Variants in FANCI observed in about 807,000 individuals in gnomAD.
FANCI encodes Fanconi anemia group I protein.
A neutral mutation model predicts 176.1 loss-of-function variants in FANCI; 156 were observed. That is an observed-to-expected ratio of 0.89 (90% CI 0.78 to 1.01). The LOEUF is 1.01. Ranked by LOEUF, FANCI falls within the 50% of genes least tolerant of loss-of-function variation. The pLI is 0.00. For synonymous variants in FANCI, 613 were observed against 541.7 expected, an observed-to-expected ratio of 1.13 and a Z score of -1.83; for missense variants, 1,678 against 1,534.1, an observed-to-expected ratio of 1.09 and a Z score of -1.57.
chr15:89,246,914 C>A (rs1225136694), intron 1 of FANCI, among the ~76,000 whole-genome samples: 2 of 151,472 alleles, frequency 1.3e-5, no homozygotes, highest in Non-Finnish European at 2.9e-5. Context: ...TATAGGCGCC[C>A]GCCACCACGC....
chr15:89,285,083 G>C lies in FANCI; in HGVS notation c.1699-13G>C, dbSNP rs1438426591. The C allele has an allele frequency of 6.2e-7, 1 of 1,613,766 alleles. No individual in the cohort carries two copies. The highest frequency in any genetic ancestry group is 2.2e-5 in the East Asian group (1 of 44,860). On this transcript the variant is annotated splice_polypyrimidine_tract_variant and intron_variant, in intron 17 of 37. Transcript: ENST00000310775. ...TGGTAAGATAGACGTGAATTGGCCT[G>C]TCTTCCTTTCAGGTTCATGTGGATG...
At chr15:89,289,230 C>T (rs1399714380) in intron 18 of FANCI, among the ~76,000 whole-genome samples, 2 of 152,106 alleles carry the variant, frequency 1.3e-5, no homozygotes, top group Non-Finnish European at 2.9e-5. Context: ...ATTACACATT[C>T]ATAAAATATT....
intron 18 of FANCI, among the ~76,000 whole-genome samples, chr15:89,289,471 A>ATT (rs1356258305): frequency 6.6e-6 from 1 of 151,756 alleles, no homozygotes; most frequent in Non-Finnish European, 1.5e-5. Flanking sequence ...TGCCTGGCTA[A>ATT]TTTTTATATT....
chr15:89,316,483 A>C lies in FANCI; in HGVS notation c.*24A>C, dbSNP rs189180872. 1.1e-5 allele frequency: 18 copies of C among 1,597,386 alleles called. No individual in the cohort carries two copies. The highest frequency in any genetic ancestry group is 1.5e-5 in the Non-Finnish European group (17 of 1,170,532). On this transcript the variant is annotated 3_prime_UTR_variant, in exon 38 of 38. Coordinates refer to ENST00000310775, the MANE Select transcript of FANCI (RefSeq NM_001113378.2). ...AAATGAAATGCCTGAGTTAATGTGA[A>C]CTTTGGGGCTTCTGCTTCATTTTTA... is the stretch of plus-strand genomic sequence containing the variant.
chr15:89,257,432 T>C (rs1460326608), intron 2 of FANCI, among the ~76,000 whole-genome samples: 1 of 152,092 alleles, frequency 6.6e-6, no homozygotes, highest in Admixed American at 6.5e-5. Context: ...GTTGTCAGGG[T>C]TGGTTCCTTT....
intron 19 of FANCI, 45 bp from the exon 20 acceptor site, chr15:89,291,568 A>G (rs907013480): frequency 1.3e-6 from 2 of 1,504,966 alleles, no homozygotes; most frequent in African/African-American, 2.7e-5. Flanking sequence ...AAAAAGTAAA[A>G]AGCATTTATG....
chr15:89,296,971 AC>A lies in FANCI; in HGVS notation c.2636+1885del, dbSNP rs575310390. ...GGGCGGCTGGCCGGGCGGGGGGCTG[AC>A]CCCCCCCACCTCCCTCCCGGACGGG... On this transcript the variant is annotated intron_variant, in intron 24 of 37. Transcript: ENST00000310775. 1.7e-4 allele frequency among the ~76,000 whole-genome samples: 16 copies of A among 96,870 alleles called. 1 individual carries two copies. The South Asian group carries it at 2.2e-3, about 13-fold the overall frequency. The allele number at this position is 96,870 out of a possible 152,430, so 63.6% of individuals were successfully genotyped here.
chr15:89,309,325 T>TA, intron 34 of FANCI, among the ~76,000 whole-genome samples: 1 of 152,022 alleles, frequency 6.6e-6, no homozygotes, highest in South Asian at 2.1e-4. Flanking sequence ...GTCTTAATGA[T>TA]ACCTATAAAG....
intron 34 of FANCI, among the ~76,000 whole-genome samples, chr15:89,312,472 TC>T (rs1259728625): frequency 1.6e-4 from 24 of 152,326 alleles, no homozygotes; most frequent in Middle Eastern, 3.4e-3. Context: ...GCACAGATAG[TC>T]CTGTTTACTC....
chr15:89,245,926 G>C (rs1161373076), intron 1 of FANCI: 3 of 152,404 alleles, frequency 2.0e-5, no homozygotes, highest in Non-Finnish European at 4.4e-5. Flanking sequence ...GAGAGATGGT[G>C]GTGGCTTGGG....
rs11858045 is a variant in FANCI at position 89,293,537 on chromosome 15, C to A, written c.2292-296C>A. The stretch of plus-strand genomic sequence containing the variant: ...CCCCATCTCTACTAATAATGTAAAA[C>A]TTAGCCAGGTGTTAGTGCCTGGGAC... On this transcript the variant is annotated intron_variant, in intron 22 of 37. Coordinates refer to ENST00000310775, the MANE Select transcript of FANCI (RefSeq NM_001113378.2). 0.075 allele frequency among the ~76,000 whole-genome samples: 11,363 copies of A among 152,102 alleles called. 1,237 individuals are homozygous for A. Among genetic ancestry groups the A allele is most frequent in the African/African-American group, 0.24 (9,994 of 41,464 alleles).
intron 13 of FANCI, among the ~76,000 whole-genome samples, chr15:89,277,274 G>T (rs1322221434): frequency 6.6e-6 from 1 of 151,868 alleles, no homozygotes; most frequent in Non-Finnish European, 1.5e-5. Context: ...AGAGCATCAA[G>T]CTTAAAGAAT....
chr15:89,278,411 G>T (rs1238955026), intron 13 of FANCI, among the ~76,000 whole-genome samples: 1 of 152,164 alleles, frequency 6.6e-6, no homozygotes, highest in Non-Finnish European at 1.5e-5. Flanking sequence ...AAGTAGAATT[G>T]ATCCTGTTTG....
chr15:89,306,597 C>T (rs1451895584), intron 32 of FANCI, among the ~76,000 whole-genome samples: 1 of 152,008 alleles, frequency 6.6e-6, no homozygotes, highest in African/African-American at 2.4e-5. Flanking sequence ...GAGGCTGAGG[C>T]AGGAGAATCG....
chr15:89,283,213 C>T lies in FANCI; in HGVS notation c.1661C>T (p.Ser554Leu). The T allele has an allele frequency of 6.2e-7, 1 of 1,614,140 alleles. No homozygotes were observed. The highest frequency in any genetic ancestry group is 8.5e-7 in the Non-Finnish European group (1 of 1,180,004). Reference protein sequence around the residue: ...LKNFKVLGSLSSSQCSQSLSV... With the variant: ...LKNFKVLGSLLSSQCSQSLSV... ...AACTTTAAAGTTTTAGGCAGCCTGT[C>T]ATCCTCTCAGTGCAGTCAGTCTCTC... The change falls in exon 17 of 38, where the codon TCA becomes TTA. Residue 554 changes from serine (S) to leucine (L), a missense_variant. Physicochemically the swap from Ser to Leu is moderately radical, Grantham distance 145 (BLOSUM62 -2). This residue lies in a region of FANCI where 1,204 missense variants were observed against 1,077.4 expected (regional missense o/e 1.12). Transcript: ENST00000310775.
In FANCI at chr15:89,295,366, G is replaced by GA. The variant is rs373941070; in HGVS notation, c.2636+290dup. Among the ~76,000 whole-genome samples the GA allele has an allele frequency of 2.3e-3, 222 of 96,284 alleles. 1 individual carries two copies. Among genetic ancestry groups the GA allele is most frequent in the East Asian group, 0.014 (44 of 3,232 alleles). 63.2% of individuals were successfully genotyped at this position (96,284 alleles called of 152,430 possible). On this transcript the variant is annotated intron_variant, in intron 24 of 37. Transcript: ENST00000310775. Reference sequence around the variant, plus strand: ...GGGTGACAGGGCAAGACTCTCAAAAGAAAAAAAAAAAAAAAAAAGCCAGAC... The same window carrying GA: ...GGGTGACAGGGCAAGACTCTCAAAAGAAAAAAAAAAAAAAAAAAAGCCAGAC...
At chr15:89,311,999 C>T (rs1016807661) in intron 34 of FANCI, among the ~76,000 whole-genome samples, 1 of 152,220 alleles carries the variant, frequency 6.6e-6, no homozygotes, top group Non-Finnish European at 1.5e-5. Context: ...TCATCCCTCT[C>T]CAGGAGCTCT....
At chr15:89,260,121 CT>C (rs781094389) in intron 3 of FANCI, among the ~76,000 whole-genome samples, 2 of 150,878 alleles carry the variant, frequency 1.3e-5, no homozygotes, top group Non-Finnish European at 3.0e-5. Context: ...TTGTTATTAT[CT>C]TTTTTTTTCA....
chr15:89,315,234 C>G, intron 36 of FANCI, 48 bp from the exon 37 acceptor site: 1 of 1,401,616 alleles, frequency 7.1e-7, no homozygotes, highest in Non-Finnish European at 1.0e-6. Context: ...GCTGTTCTGG[C>G]AGGACCTATG....
Sources: allele counts gnomAD v4.1 joint callset (sites outside exome capture counted in the v4.1 genomes callset), GRCh38; gene constraint gnomAD v4.1.1; regional missense constraint gnomAD v4.1.1; transcripts MANE v1.5; gene names NCBI Gene and HGNC (gene_info 2026-07-23, HGNC 2026-07-21).